MOB3B: variants seen among roughly 807,000 people sequenced by gnomAD.
The protein encoded by MOB3B is MOB kinase activator-like 2B.
A neutral mutation model predicts 18.7 loss-of-function variants in MOB3B; 7 were observed. That is an observed-to-expected ratio of 0.37 (90% CI 0.21 to 0.70). MOB3B has a LOEUF of 0.70. Among genes scored for constraint, MOB3B ranks in the 30% least tolerant of loss-of-function variants. The pLI, the probability that MOB3B is intolerant of heterozygous loss-of-function variation, is 0.52. For synonymous variants in MOB3B, 111 were observed against 99.9 expected, an observed-to-expected ratio of 1.11 and a Z score of -0.66; for missense variants, 253 against 281.3, an observed-to-expected ratio of 0.90 and a Z score of 0.72.
At chr9:27,504,539 G>A (rs1820030811) in intron 1 of MOB3B, among the ~76,000 whole-genome samples, 1 of 152,196 alleles carries the variant, frequency 6.6e-6, no homozygotes, top group African/African-American at 2.4e-5. Flanking sequence ...GAGCAGTAGA[G>A]TGATACTTGG....
intron 2 of MOB3B, among the ~76,000 whole-genome samples, chr9:27,430,059 T>C (rs1247346129): frequency 2.0e-5 from 3 of 152,194 alleles, no homozygotes; most frequent in Non-Finnish European, 4.4e-5. Flanking sequence ...TCTAAGGGCT[T>C]CCCAGAGCTG....
chr9:27,440,993 T>C (rs1822586531), intron 2 of MOB3B, among the ~76,000 whole-genome samples: 1 of 151,850 alleles, frequency 6.6e-6, no homozygotes, highest in Non-Finnish European at 1.5e-5. Context: ...TCATAAGGAG[T>C]GAGCAATCTA....
chr9:27,421,255 T>G (rs1196113917), intron 2 of MOB3B: 1 of 152,246 alleles, frequency 6.6e-6, no homozygotes, highest in Non-Finnish European at 1.5e-5. Flanking sequence ...CACGCCCGGC[T>G]AATTTTTGTA....
At chr9:27,481,508 T>TTG (rs201459096) in intron 1 of MOB3B, among the ~76,000 whole-genome samples, 3 of 28,114 alleles carry the variant, frequency 1.1e-4, no homozygotes, top group African/African-American at 2.0e-4. Flanking sequence ...TTTTTTTTTT[T>TTG]TTGTTTTTTT....
chr9:27,371,956 G>A (rs1821422931), intron 2 of MOB3B, among the ~76,000 whole-genome samples: 1 of 152,038 alleles, frequency 6.6e-6, no homozygotes, highest in Non-Finnish European at 1.5e-5. Flanking sequence ...CACTCAGCCT[G>A]GAAGTTGACT....
chr9:27,396,806 TAGCATC>T (rs924272199), intron 2 of MOB3B: 9 of 152,198 alleles, frequency 5.9e-5, no homozygotes, highest in African/African-American at 1.9e-4. Flanking sequence ...ATGTTAATTT[TAGCATC>T]CTAGGTGCCC....
chr9:27,327,380 C>T lies in MOB3B; in HGVS notation c.*3207G>A, dbSNP rs1237402344. On this transcript the variant is annotated 3_prime_UTR_variant, in exon 4 of 4. Coordinates refer to ENST00000262244, the MANE Select transcript of MOB3B (RefSeq NM_024761.5). ...GAGACAAGTAGACATTATGTGCTTC[C>T]TGAGGTGAGGCAGTAGTAAGGAAAC... 1 of 152,152 alleles carries T rather than the reference C, an allele frequency of 6.6e-6. No homozygotes were observed. The highest frequency in any genetic ancestry group is 1.5e-5 in the Non-Finnish European group (1 of 68,036). The allele number at this position is 152,152 out of a possible 1,614,324, so 9.4% of individuals were successfully genotyped here.
At chr9:27,416,604 G>C (rs2131407037) in intron 2 of MOB3B, among the ~76,000 whole-genome samples, 1 of 132,552 alleles carries the variant, frequency 7.5e-6, no homozygotes, top group South Asian at 2.7e-4. Context: ...CTAGTCTGGA[G>C]TGGAATGCCT....
intron 1 of MOB3B, among the ~76,000 whole-genome samples, chr9:27,512,134 A>G (rs896547474): frequency 1.3e-5 from 2 of 152,192 alleles, no homozygotes; most frequent in African/African-American, 2.4e-5. Context: ...TGGCGGGGCC[A>G]CAAGAGGGAA....
At position 27,326,237 on chromosome 9, in the gene MOB3B, T is replaced by A. The variant is rs1820710000; in HGVS notation, c.*4350A>T. The A allele has an allele frequency of 1.6e-5, 6 of 380,004 alleles. No homozygotes were observed. Among genetic ancestry groups the A allele is most frequent in the Non-Finnish European group, 1.9e-5 (4 of 214,904 alleles). 23.5% of individuals were successfully genotyped at this position (380,004 alleles called of 1,614,324 possible). On this transcript the variant is annotated 3_prime_UTR_variant, in exon 4 of 4. Coordinates refer to ENST00000262244, the MANE Select transcript of MOB3B (RefSeq NM_024761.5). ...AGTGATGTGGAGAGCTTTGGGAAGG[T>A]TTCACGTTGAGTTACATCAGTGGTC... is the stretch of plus-strand genomic sequence containing the variant.
intron 1 of MOB3B, among the ~76,000 whole-genome samples, chr9:27,522,387 C>G (rs991943888): frequency 1.4e-5 from 2 of 145,742 alleles, no homozygotes; most frequent in Non-Finnish European, 3.0e-5. Context: ...GATAGTGACT[C>G]AAAATTTTTG....
rs1820712292 is a variant in MOB3B at position 27,326,377 on chromosome 9, A to G, written c.*4210T>C. ...AGATATTTAATGGATATGCAAATAA[A>G]GCTCTGATTAATTGTATTTTCACTT... On this transcript the variant is annotated 3_prime_UTR_variant, in exon 4 of 4. Coordinates refer to ENST00000262244, the MANE Select transcript of MOB3B (RefSeq NM_024761.5). 2.5e-6 allele frequency: 1 copy of G among 398,158 alleles called. No individual in the cohort carries two copies. The highest frequency in any genetic ancestry group is 4.4e-6 in the Non-Finnish European group (1 of 225,920). The allele number at this position is 398,158 out of a possible 1,614,324, so 24.7% of individuals were successfully genotyped here.
chr9:27,509,169 CAT>C (rs1277879583), intron 1 of MOB3B, among the ~76,000 whole-genome samples: 11 of 152,290 alleles, frequency 7.2e-5, no homozygotes, highest in East Asian at 1.9e-4. Context: ...TCATTATTCA[CAT>C]GTCATCCCAT....
chr9:27,349,570 T>C (rs1236869051), intron 3 of MOB3B, among the ~76,000 whole-genome samples: 1 of 152,176 alleles, frequency 6.6e-6, no homozygotes, highest in Non-Finnish European at 1.5e-5. Flanking sequence ...TTCATGTAAA[T>C]GCTCATGAAG....
Position 27,330,370 on chromosome 9 carries a change from T to G in MOB3B, c.*217A>C. 1.9e-6 allele frequency: 1 copy of G among 529,292 alleles called. No homozygotes were observed. Among genetic ancestry groups the G allele is most frequent in the Non-Finnish European group, 3.3e-6 (1 of 302,466 alleles). 32.8% of individuals were successfully genotyped at this position (529,292 alleles called of 1,614,324 possible). On this transcript the variant is annotated 3_prime_UTR_variant, in exon 4 of 4. Transcript: ENST00000262244. Reference sequence around the variant, plus strand: ...CAAGGGGCTGGTCCTTCTTTCACGTTGTGGTCTGCCTCGTCCACAGGTCTG... The same window carrying G: ...CAAGGGGCTGGTCCTTCTTTCACGTGGTGGTCTGCCTCGTCCACAGGTCTG...
intron 2 of MOB3B, among the ~76,000 whole-genome samples, chr9:27,384,232 T>C (rs948827940): frequency 2.0e-4 from 30 of 152,180 alleles, no homozygotes; most frequent in African/African-American, 7.0e-4. Context: ...TCTCTGCCTC[T>C]GGAACAAGGA....
rs1820699754 is a variant in MOB3B, at chr9:27,325,658, C to G, written c.*4929G>C. The G allele has an allele frequency of 6.6e-6, 1 of 152,182 alleles. No individual in the cohort carries two copies. Among genetic ancestry groups the G allele is most frequent in the Non-Finnish European group, 1.5e-5 (1 of 68,032 alleles). The allele number at this position is 152,182 out of a possible 1,614,324, so 9.4% of individuals were successfully genotyped here. On this transcript the variant is annotated 3_prime_UTR_variant, in exon 4 of 4. Coordinates refer to ENST00000262244, the MANE Select transcript of MOB3B (RefSeq NM_024761.5). ...TTGTCTAATTCTAGGAGAGAATCAC[C>G]AATTTCTTCAAGGTCCAAAATGATC... is the stretch of plus-strand genomic sequence containing the variant.
intron 1 of MOB3B, among the ~76,000 whole-genome samples, chr9:27,504,628 C>T (rs190623041): frequency 1.4e-3 from 220 of 152,304 alleles, no homozygotes; most frequent in Admixed American, 2.3e-3. Flanking sequence ...GGATGACCTC[C>T]TTGACTATCA....
intron 2 of MOB3B, among the ~76,000 whole-genome samples, chr9:27,436,254 T>G (rs1315321137): frequency 6.6e-6 from 1 of 152,240 alleles, no homozygotes; most frequent in Non-Finnish European, 1.5e-5. Context: ...TGTTAAACTT[T>G]TCACACTTGT....
Sources: allele counts gnomAD v4.1 joint callset (sites outside exome capture counted in the v4.1 genomes callset), GRCh38; gene constraint gnomAD v4.1.1; transcripts MANE v1.5; gene names NCBI Gene and HGNC (gene_info 2026-07-23, HGNC 2026-07-21).